The following CEP89 variants were observed in gnomAD, a reference collection of about 807,000 sequenced individuals.
The protein encoded by CEP89 is centrosomal protein of 89 kDa.
A neutral mutation model predicts 97.6 loss-of-function variants in CEP89; 95 were observed. The observed-to-expected ratio is 0.97, with a 90% CI of 0.82 to 1.15. The LOEUF (loss-of-function observed/expected upper bound fraction) is 1.15, where lower values mean the gene tolerates loss of function less well. Among genes scored for constraint, CEP89 ranks in the 50% most tolerant of loss-of-function variants. CEP89 has a pLI of 0.00. For missense variants in CEP89, 869 were observed against 947.7 expected (o/e 0.92, Z 1.09); for synonymous variants, 354 against 349.1 (o/e 1.01, Z -0.16).
Position 32,915,539 on chromosome 19 carries a change from TA to T in CEP89, c.1385-23del, listed in dbSNP as rs1458199746. 3 of 1,597,354 alleles carry T rather than the reference TA, an allele frequency of 1.9e-6. 1 individual carries two copies. The Middle Eastern group carries it at 5.0e-4, about 266-fold the overall frequency. Reference sequence around the variant, plus strand: ...GAAACTGAAAATCAAAAGAGGAAGATAAAAACTTGGCACAGAAGACCTCACA... The same window carrying T: ...GAAACTGAAAATCAAAAGAGGAAGATAAAACTTGGCACAGAAGACCTCACA... On this transcript the variant is annotated intron_variant, in intron 13 of 18. Transcript: ENST00000305768.
chr19:32,884,648 T>G (rs1202838073), intron 17 of CEP89, among the ~76,000 whole-genome samples: 6 of 152,174 alleles, frequency 3.9e-5, no homozygotes, highest in African/African-American at 1.4e-4. Flanking sequence ...GGTGTGATCA[T>G]AGCTCACTAC....
intron 3 of CEP89, 39 bp from the exon 4 acceptor site, chr19:32,953,840 CACTT>C: frequency 7.7e-7 from 1 of 1,297,920 alleles, no homozygotes; most frequent in Non-Finnish European, 1.1e-6. Flanking sequence ...AACAAAAAGT[CACTT>C]AACACTTGAC....
intron 17 of CEP89, among the ~76,000 whole-genome samples, chr19:32,887,148 G>T (rs958957920): frequency 6.6e-6 from 1 of 151,706 alleles, no homozygotes; most frequent in Non-Finnish European, 1.5e-5. Context: ...CCATTGTCAT[G>T]TCACTGCACT....
chr19:32,913,192 C>T (rs143605505), intron 14 of CEP89, among the ~76,000 whole-genome samples: 2 of 148,604 alleles, frequency 1.3e-5, no homozygotes, highest in African/African-American at 4.9e-5. Flanking sequence ...GTTTCCTATA[C>T]ATAATTATCA....
chr19:32,932,089 G>C, intron 8 of CEP89, among the ~76,000 whole-genome samples: 1 of 151,850 alleles, frequency 6.6e-6, no homozygotes, highest in Non-Finnish European at 1.5e-5. Flanking sequence ...GCTGAGGCAG[G>C]AGAATGGCGT....
chr19:32,913,928 C>T (rs895678158), intron 14 of CEP89, among the ~76,000 whole-genome samples: 15 of 152,112 alleles, frequency 9.9e-5, no homozygotes, highest in Non-Finnish European at 1.8e-4. Context: ...TGTGAGCCAC[C>T]GTGCCCGGCC....
intron 18 of CEP89, among the ~76,000 whole-genome samples, chr19:32,880,542 G>A (rs1225350662): frequency 6.6e-6 from 1 of 151,764 alleles, no homozygotes; most frequent in Non-Finnish European, 1.5e-5. Flanking sequence ...GGGAGGCTGA[G>A]GCAGAAGGAT....
chr19:32,913,310 TTTGTTGTTGTTG>T (rs376031677), intron 14 of CEP89, among the ~76,000 whole-genome samples: 8 of 45,604 alleles, frequency 1.8e-4, no homozygotes, highest in East Asian at 2.3e-3. Flanking sequence ...TATATATTTT[TTTGTTGTTGTTG>T]TTGTTGTTGT....
intron 14 of CEP89, among the ~76,000 whole-genome samples, chr19:32,904,631 C>T (rs1298430361): frequency 6.8e-6 from 1 of 146,002 alleles, no homozygotes; most frequent in Admixed American, 7.1e-5. Context: ...CTCACTCTGT[C>T]ACCAGGCTGG....
intron 3 of CEP89, 44 bp downstream of exon 3, chr19:32,959,856 T>C (rs1247846708): frequency 3.7e-6 from 6 of 1,609,086 alleles, no homozygotes; most frequent in Non-Finnish European, 5.1e-6. Flanking sequence ...AGCCTGCCCC[T>C]CTTCCACTCT....
In CEP89 at chr19:32,877,722, G is replaced by A. The variant is rs981923289; in HGVS notation, c.*1440C>T. On this transcript the variant is annotated 3_prime_UTR_variant, in exon 19 of 19. Coordinates refer to ENST00000305768, the MANE Select transcript of CEP89 (RefSeq NM_032816.5). ...GCAGGAGGATTGCTTGAAGCTAGAC[G>A]TTTGAGACCAGCTTGGGCAACATAG... 2.0e-5 allele frequency: 3 copies of A among 151,638 alleles called. No homozygotes were observed. Among genetic ancestry groups the A allele is most frequent in the African/African-American group, 4.9e-5 (2 of 41,220 alleles). The allele number at this position is 151,638 out of a possible 1,614,324, so 9.4% of individuals were successfully genotyped here. A position where few individuals can be genotyped will look rare whatever the true frequency, so the allele number is the denominator to read the frequency against.
intron 5 of CEP89, among the ~76,000 whole-genome samples, chr19:32,943,511 A>T: frequency 6.6e-6 from 1 of 151,694 alleles, no homozygotes; most frequent in Non-Finnish European, 1.5e-5. Flanking sequence ...TGTAATCCCA[A>T]CACTGCGGGA....
At position 32,966,362 on chromosome 19, in the gene CEP89, TG is replaced by T; in HGVS notation, c.143del (p.Pro48GlnfsTer14). ...GTGCCTGCTCATCTGATACTCACCT[TG>T]GTCTCTCTGGAGATGGGTTGGGGCT... ...PRSPNPSPER[P>X]RSALAAAILA... On this transcript the variant is annotated frameshift_variant, in exon 2 of 19. Coordinates refer to ENST00000305768, the MANE Select transcript of CEP89 (RefSeq NM_032816.5). LOFTEE classifies it high-confidence loss of function. The T allele has an allele frequency of 6.6e-7, 1 of 1,524,156 alleles. No homozygotes were observed. The highest frequency in any genetic ancestry group is 8.9e-7 in the Non-Finnish European group (1 of 1,127,784). The allele number at this position is 1,524,156 out of a possible 1,614,324, so 94.4% of individuals were successfully genotyped here.
intron 15 of CEP89, 24 bp from the exon 16 acceptor site, chr19:32,900,022 G>T (rs1969731493): frequency 1.2e-6 from 2 of 1,612,606 alleles, no homozygotes; most frequent in Non-Finnish European, 1.7e-6. Flanking sequence ...CCAAATGGTA[G>T]AATAAAAAGC....
chr19:32,883,939 C>T (rs904900267), intron 17 of CEP89, among the ~76,000 whole-genome samples: 1 of 152,126 alleles, frequency 6.6e-6, no homozygotes, highest in African/African-American at 2.4e-5. Flanking sequence ...CATAAATTTG[C>T]TGCTGTGTTA....
intron 12 of CEP89, among the ~76,000 whole-genome samples, chr19:32,919,910 T>C (rs1599740607): frequency 6.6e-6 from 1 of 152,140 alleles, no homozygotes; most frequent in African/African-American, 2.4e-5. Flanking sequence ...CCTCCCAAAG[T>C]GCTGGGATTA....
In CEP89 at chr19:32,884,186, CT is replaced by C. The variant is rs913783727; in HGVS notation, c.1966-2174del. ...CTTTTAGTATTATAAAAATCTCCCC[CT>C]TTTTTTTGGTGTCATTTAGTGCTTT... On this transcript the variant is annotated intron_variant, in intron 17 of 18. Coordinates refer to ENST00000305768, the MANE Select transcript of CEP89 (RefSeq NM_032816.5). 1.6e-3 allele frequency among the ~76,000 whole-genome samples: 241 copies of C among 152,014 alleles called. 1 individual carries two copies. The highest frequency in any genetic ancestry group is 5.2e-3 in the African/African-American group (214 of 41,492).
At chr19:32,891,354 A>AC (rs1568545946) in intron 16 of CEP89, among the ~76,000 whole-genome samples, 344 of 151,060 alleles carry the variant, frequency 2.3e-3, no homozygotes, top group Middle Eastern at 3.4e-3. Flanking sequence ...CACACACACA[A>AC]ACACACACAC....
In CEP89 at chr19:32,960,074, T is replaced by C; in HGVS notation, c.147-16A>G. 1 of 1,613,742 alleles carries C rather than the reference T, an allele frequency of 6.2e-7. No homozygotes were observed. The highest frequency in any genetic ancestry group is 8.5e-7 in the Non-Finnish European group (1 of 1,179,862). The stretch of plus-strand genomic sequence containing the variant: ...CAGAGCAGATCTGCGGACAAAAACA[T>C]CCCATGGAGACAGTGAGACATGAAC... On this transcript the variant is annotated splice_polypyrimidine_tract_variant and intron_variant, in intron 2 of 18. Coordinates refer to ENST00000305768, the MANE Select transcript of CEP89 (RefSeq NM_032816.5).
Sources: gnomAD v4.1 joint callset for allele counts (sites outside exome capture counted in the v4.1 genomes callset) on GRCh38, gnomAD v4.1.1 for gene constraint, MANE v1.5 for transcripts, NCBI Gene and HGNC (gene_info 2026-07-23, HGNC 2026-07-21) for gene names.